The following BICC1 variants were observed in gnomAD, a reference collection of about 807,000 sequenced individuals.
BICC1 encodes protein bicaudal C homolog 1.
Under a neutral mutation model 111.0 loss-of-function variants are expected in BICC1, and 43 were observed. The observed-to-expected ratio is 0.39, with a 90% CI of 0.30 to 0.50. The LOEUF (loss-of-function observed/expected upper bound fraction) is 0.50, where lower values mean the gene tolerates loss of function less well. Ranked by LOEUF, BICC1 falls within the 20% of genes least tolerant of loss-of-function variation. The probability of loss-of-function intolerance (pLI) is 0.88; values close to 1 mark genes in which losing one functional copy is unlikely to be tolerated. For synonymous variants in BICC1, 467 were observed against 434.4 expected, an observed-to-expected ratio of 1.07 and a Z score of -0.93; for missense variants, 1,091 against 1,203.2, an observed-to-expected ratio of 0.91 and a Z score of 1.38.
chr10:58,819,727 A>G (rs1461371968), intron 19 of BICC1, among the ~76,000 whole-genome samples: 1 of 152,124 alleles, frequency 6.6e-6, no homozygotes, highest in Admixed American at 6.6e-5. Context: ...ATCGAACCCA[A>G]GTCTCTTTGG....
At chr10:58,530,802 A>G (rs2131852510) in intron 1 of BICC1, among the ~76,000 whole-genome samples, 1 of 151,942 alleles carries the variant, frequency 6.6e-6, no homozygotes, top group South Asian at 2.1e-4. Context: ...CATGTAGAGA[A>G]TGCTTTATGA....
At chr10:58,535,455 C>A (rs1210517554) in intron 1 of BICC1, among the ~76,000 whole-genome samples, 2 of 151,656 alleles carry the variant, frequency 1.3e-5, no homozygotes, top group African/African-American at 2.4e-5. Flanking sequence ...AACTGTCAGG[C>A]AAGAATTTTG....
rs918399717 is a variant in BICC1 at position 58,813,932 on chromosome 10, C to T, written c.2479C>T (p.His827Tyr). The part of the protein sequence containing the change: ...RDRNGIGPGS[H>Y]SEFAASIGSP... ...CCGAAATGGAATTGGACCTGGAAGT[C>T]ATAGTGAATTTGCAGCTTCTATTGG... The change falls in exon 18 of 21, where the codon CAT (histidine) becomes TAT (tyrosine). Residue 827 changes from histidine (H) to tyrosine (Y), a missense_variant. Around this residue, in one of 3 missense-constraint regions of BICC1, gnomAD observed 231 missense variants for 256.2 expected, o/e 0.90. Transcript: ENST00000373886. 6.2e-7 allele frequency: 1 copy of T among 1,614,028 alleles called. No homozygotes were observed. The highest frequency in any genetic ancestry group is 1.3e-5 in the African/African-American group (1 of 75,042).
intron 1 of BICC1, among the ~76,000 whole-genome samples, chr10:58,555,259 A>T (rs1450406544): frequency 6.9e-6 from 1 of 144,464 alleles, no homozygotes; most frequent in Non-Finnish European, 1.5e-5. Flanking sequence ...AACCTCATAG[A>T]TGTCAGGTTT....
chr10:58,655,970 AAGAG>A (rs999553350), intron 2 of BICC1, among the ~76,000 whole-genome samples: 47 of 152,206 alleles, frequency 3.1e-4, no homozygotes, highest in African/African-American at 1.1e-3. Context: ...TAAAGAAAAA[AAGAG>A]AGAAGAATCA....
At chr10:58,817,287 A>G (rs1339641064) in intron 18 of BICC1, among the ~76,000 whole-genome samples, 1 of 152,172 alleles carries the variant, frequency 6.6e-6, no homozygotes, top group African/African-American at 2.4e-5. Flanking sequence ...CTCAGGGAGA[A>G]TATGATGAAT....
chr10:58,737,454 T>C (rs1380726784), intron 3 of BICC1, among the ~76,000 whole-genome samples: 1 of 152,230 alleles, frequency 6.6e-6, no homozygotes, highest in Admixed American at 6.5e-5. Context: ...CTGCATAGTA[T>C]TCCATGGTGT....
At chr10:58,546,581 T>C (rs1843142922) in intron 1 of BICC1, among the ~76,000 whole-genome samples, 1 of 152,172 alleles carries the variant, frequency 6.6e-6, no homozygotes, top group African/African-American at 2.4e-5. Flanking sequence ...AGGTCATCTC[T>C]ACTGAGGCAT....
intron 14 of BICC1, among the ~76,000 whole-genome samples, chr10:58,802,366 A>T (rs1843574680): frequency 6.6e-6 from 1 of 152,240 alleles, no homozygotes; most frequent in African/African-American, 2.4e-5. Context: ...AGTTGAACAA[A>T]TAAAATCATG....
At chr10:58,698,244 C>T (rs763128654) in intron 2 of BICC1, among the ~76,000 whole-genome samples, 10 of 152,044 alleles carry the variant, frequency 6.6e-5, no homozygotes, top group South Asian at 2.1e-4. Context: ...TGTGCACAGC[C>T]GTAGGACAGT....
chr10:58,577,094 A>G (rs557555432), intron 1 of BICC1, among the ~76,000 whole-genome samples: 21 of 152,250 alleles, frequency 1.4e-4, no homozygotes, highest in African/African-American at 5.1e-4. Context: ...GGTTTCCACA[A>G]TGTCCAGCTA....
chr10:58,617,836 A>G (rs1845667943), intron 1 of BICC1, among the ~76,000 whole-genome samples: 1 of 152,274 alleles, frequency 6.6e-6, no homozygotes, highest in Admixed American at 6.5e-5. Flanking sequence ...GACCAGGTAC[A>G]GAGATGAATG....
At chr10:58,683,611 G>A (rs570513402) in intron 2 of BICC1, among the ~76,000 whole-genome samples, 2 of 152,222 alleles carry the variant, frequency 1.3e-5, no homozygotes, top group South Asian at 4.2e-4. Flanking sequence ...TTTTAAGTTG[G>A]ATTCCTAGGT....
chr10:58,637,969 G>A (rs1256938154), intron 2 of BICC1, among the ~76,000 whole-genome samples: 1 of 152,126 alleles, frequency 6.6e-6, no homozygotes, highest in East Asian at 1.9e-4. Context: ...AAGATAAAGG[G>A]ACTGATATTA....
At chr10:58,750,046 GATAA>G (rs1279910949) in intron 3 of BICC1, among the ~76,000 whole-genome samples, 1 of 152,068 alleles carries the variant, frequency 6.6e-6, no homozygotes, top group South Asian at 2.1e-4. Flanking sequence ...GACTTTGAAG[GATAA>G]ATAAAGACTC....
At chr10:58,710,813 G>A (rs1840550159) in intron 3 of BICC1, among the ~76,000 whole-genome samples, 1 of 152,122 alleles carries the variant, frequency 6.6e-6, no homozygotes. Flanking sequence ...GAGGACCTGT[G>A]TATTTCTTCT....
chr10:58,598,603 A>G (rs538342208), intron 1 of BICC1, among the ~76,000 whole-genome samples: 1 of 152,310 alleles, frequency 6.6e-6, no homozygotes, highest in Non-Finnish European at 1.5e-5. Flanking sequence ...ATGGGCAAAG[A>G]CTTCATGACT....
At chr10:58,747,262 GT>G (rs1841861047) in intron 3 of BICC1, among the ~76,000 whole-genome samples, 1 of 152,118 alleles carries the variant, frequency 6.6e-6, no homozygotes, top group Non-Finnish European at 1.5e-5. Context: ...TTCTACTGCT[GT>G]CTTTATTGCA....
chr10:58,527,255 C>CACTTT (rs1317294467), intron 1 of BICC1, among the ~76,000 whole-genome samples: 4 of 152,154 alleles, frequency 2.6e-5, no homozygotes, highest in African/African-American at 9.7e-5. Flanking sequence ...ATGCTTGGCC[C>CACTTT]ACTTTTTGAT....
Sources: allele counts gnomAD v4.1 joint callset (sites outside exome capture counted in the v4.1 genomes callset), GRCh38; gene constraint gnomAD v4.1.1; regional missense constraint gnomAD v4.1.1; transcripts MANE v1.5; gene names NCBI Gene and HGNC (gene_info 2026-07-23, HGNC 2026-07-21).